FUT8: variants seen among roughly 807,000 people sequenced by gnomAD.
FUT8 encodes the protein fucosyltransferase 8, also known as alpha-(1,6)-fucosyltransferase.
A neutral mutation model predicts 71.3 loss-of-function variants in FUT8; 29 were observed. That is an observed-to-expected ratio of 0.41 (90% CI 0.30 to 0.55). The LOEUF is 0.55. Among genes scored for constraint, FUT8 ranks in the 20% least tolerant of loss-of-function variants. The pLI is 0.34. For missense variants in FUT8, 544 were observed against 702.1 expected, an observed-to-expected ratio of 0.77 and a Z score of 2.55; for synonymous variants, 254 against 239.3, an observed-to-expected ratio of 1.06 and a Z score of -0.57.
At chr14:65,380,557 G>A in the FUT8 span, among the ~76,000 whole-genome samples, 4 of 152,172 alleles carry the variant, frequency 2.6e-5, no homozygotes, top group South Asian at 6.2e-4. Flanking sequence ...CAATATTCAC[G>A]CTGTGGAGAG....
In FUT8 at chr14:65,660,593, A is replaced by G. The variant is rs1482738080; in HGVS notation, c.598-8650A>G. On this transcript the variant is annotated intron_variant, in intron 6 of 10. Transcript: ENST00000673929. This position sits in a 1 kb window ranked among gnomAD's most constrained non-coding sequence, Gnocchi z 4.1. ...GATTTCCTGAAGCACTTGGTAAACT[A>G]CTTGGGCCTGAGCTATTGTGTTGTC... 1.3e-5 allele frequency among the ~76,000 whole-genome samples: 2 copies of G among 152,156 alleles called. No homozygotes were observed. Among genetic ancestry groups the G allele is most frequent in the Non-Finnish European group, 2.9e-5 (2 of 68,002 alleles).
intron 2 of FUT8, among the ~76,000 whole-genome samples, chr14:65,496,164 G>A (rs931374353): frequency 4.6e-5 from 7 of 152,124 alleles, no homozygotes; most frequent in Admixed American, 3.9e-4. Flanking sequence ...ATAAGACTGA[G>A]TTTGTACCAT....
intron 1 of FUT8, among the ~76,000 whole-genome samples, chr14:65,444,598 G>A (rs904321981): frequency 6.6e-6 from 1 of 152,164 alleles, no homozygotes; most frequent in African/African-American, 2.4e-5. Flanking sequence ...AATGGATGAT[G>A]TACCAATTAT....
At chr14:65,375,591 A>G in the FUT8 span, among the ~76,000 whole-genome samples, 1 of 151,902 alleles carries the variant, frequency 6.6e-6, no homozygotes, top group Admixed American at 6.6e-5. Context: ...TCTGCACTCC[A>G]GCCTGGGTGA....
chr14:65,394,649 C>T, the FUT8 span, among the ~76,000 whole-genome samples: 2 of 152,058 alleles, frequency 1.3e-5, no homozygotes, highest in Non-Finnish European at 2.9e-5. Flanking sequence ...CAATAAGTTA[C>T]AGGCATTGGA....
At chr14:65,675,072 A>G (rs533793628) in intron 7 of FUT8, among the ~76,000 whole-genome samples, 15 of 152,368 alleles carry the variant, frequency 9.8e-5, no homozygotes, top group Admixed American at 9.8e-4. Flanking sequence ...TTAATGTCTC[A>G]GAAGAAGTTA....
intron 1 of FUT8, among the ~76,000 whole-genome samples, chr14:65,449,082 T>C (rs1377543994): frequency 3.3e-5 from 5 of 152,174 alleles, no homozygotes; most frequent in Non-Finnish European, 7.4e-5. Flanking sequence ...ACCTAGACCA[T>C]TATGAATAAA....
intron 3 of FUT8, among the ~76,000 whole-genome samples, chr14:65,594,928 G>A (rs959238897): frequency 7.9e-5 from 12 of 152,080 alleles, no homozygotes; most frequent in Non-Finnish European, 1.5e-4. Context: ...GGCAGCATTC[G>A]ATTGGTAAAA....
At chr14:65,566,074 A>G (rs1041755546) in intron 3 of FUT8, among the ~76,000 whole-genome samples, 20 of 152,082 alleles carry the variant, frequency 1.3e-4, no homozygotes, top group Non-Finnish European at 2.5e-4. Context: ...AGGGTCACTC[A>G]TGTGGCTGCA....
intron 5 of FUT8, among the ~76,000 whole-genome samples, chr14:65,620,228 A>G (rs1436646735): frequency 1.3e-5 from 2 of 152,212 alleles, no homozygotes; most frequent in Non-Finnish European, 2.9e-5. Context: ...TTATAAAACT[A>G]AAGTACAGGA....
At chr14:65,412,655 T>C, upstream of FUT8, 3 of 207,214 alleles carry the variant, frequency 1.4e-5, no homozygotes, top group South Asian at 6.1e-5. Context: ...CATGCCAGGG[T>C]CGCCGTAGGT....
upstream of FUT8, among the ~76,000 whole-genome samples, chr14:65,410,057 G>T (rs938092858): frequency 6.6e-6 from 1 of 152,168 alleles, no homozygotes; most frequent in Non-Finnish European, 1.5e-5. Flanking sequence ...GTGGAAAAAT[G>T]CTTTTGACAC....
rs889856965 is a variant in FUT8, at chr14:65,574,848, T to G, written c.203+13082T>G. Among the ~76,000 whole-genome samples the G allele has an allele frequency of 3.3e-5, 5 of 152,170 alleles. No individual in the cohort carries two copies. Among genetic ancestry groups the G allele is most frequent in the Non-Finnish European group, 5.9e-5 (4 of 68,030 alleles). On this transcript the variant is annotated intron_variant, in intron 3 of 10. Transcript: ENST00000673929. The surrounding 1 kb of genome is among the most constrained non-coding windows in gnomAD (Gnocchi z 5.2). ...TTAAAGGGGCAAATAATGAGCAGAT[T>G]CTGTGAAACATATCCTCTGAGGAGG...
chr14:65,459,533 A>G (rs2065942334), intron 2 of FUT8, among the ~76,000 whole-genome samples: 1 of 152,226 alleles, frequency 6.6e-6, no homozygotes, highest in Non-Finnish European at 1.5e-5. Context: ...TGTAAATAAT[A>G]TTAAATTGAG....
At chr14:65,394,354 C>G in the FUT8 span, among the ~76,000 whole-genome samples, 1 of 152,174 alleles carries the variant, frequency 6.6e-6, no homozygotes, top group African/African-American at 2.4e-5. Flanking sequence ...TCAATTATCT[C>G]TCACCAGGTC....
intron 5 of FUT8, among the ~76,000 whole-genome samples, chr14:65,618,417 C>G (rs914051754): frequency 1.3e-5 from 2 of 151,828 alleles, no homozygotes; most frequent in Admixed American, 1.3e-4. Flanking sequence ...AATGGTAGTT[C>G]ATTGAAAACA....
chr14:65,378,837 GTTTTTTTTTT>G, the FUT8 span, among the ~76,000 whole-genome samples: 3 of 66,830 alleles, frequency 4.5e-5, no homozygotes, highest in Admixed American at 2.4e-4. Context: ...TCACAAGAAG[GTTTTTTTTTT>G]TTTTTTTTTT....
intron 2 of FUT8, among the ~76,000 whole-genome samples, chr14:65,512,288 A>C (rs1882400435): frequency 6.6e-6 from 1 of 152,082 alleles, no homozygotes; most frequent in Non-Finnish European, 1.5e-5. Context: ...TCAGCCTCCC[A>C]GGTAGTAGCT....
the FUT8 span, among the ~76,000 whole-genome samples, chr14:65,372,179 C>A: frequency 6.6e-6 from 1 of 152,248 alleles, no homozygotes; most frequent in South Asian, 2.1e-4. Context: ...TACACAAATT[C>A]TTTTCTCTCC....
Sources: allele counts gnomAD v4.1 joint callset (sites outside exome capture counted in the v4.1 genomes callset), GRCh38; gene constraint gnomAD v4.1.1; non-coding constraint Gnocchi (gnomAD v3.1); transcripts MANE v1.5; gene names NCBI Gene and HGNC (gene_info 2026-07-23, HGNC 2026-07-21).